STK17A: variants seen among roughly 807,000 people sequenced by gnomAD.
STK17A encodes the protein serine/threonine-protein kinase 17A.
Under a neutral mutation model 43.7 loss-of-function variants are expected in STK17A, and 26 were observed. The observed-to-expected ratio is 0.60, with a 90% CI of 0.44 to 0.83. The LOEUF (loss-of-function observed/expected upper bound fraction) is 0.83, where lower values mean the gene tolerates loss of function less well. Ranked by LOEUF, STK17A falls within the 40% of genes least tolerant of loss-of-function variation. The probability of loss-of-function intolerance (pLI) is 0.00; values close to 1 mark genes in which losing one functional copy is unlikely to be tolerated. For missense variants in STK17A, 476 were observed against 511.6 expected (o/e 0.93, Z 0.67); for synonymous variants, 191 against 182.5 (o/e 1.05, Z -0.38).
chr7:43,623,812 T>G lies in STK17A; in HGVS notation c.844T>G (p.Tyr282Asp), dbSNP rs1044103574. The change falls in exon 6 of 7, where the codon TAT becomes GAT. Residue 282 changes from tyrosine to aspartate, a missense_variant. Tyr to Asp is a radical substitution (Grantham distance 160). Transcript: ENST00000319357. Reference protein sequence around the residue: ...FLNISQMNLSYSEEEFDVLSE... With the variant: ...FLNISQMNLSDSEEEFDVLSE... ...AAACATCTCACAGATGAATTTAAGT[T>G]ATTCTGAGGAAGAATTTGATGTTTT... 4.4e-6 allele frequency: 7 copies of G among 1,605,198 alleles called. No individual in the cohort carries two copies. The highest frequency in any genetic ancestry group is 5.9e-6 in the Non-Finnish European group (7 of 1,177,380).
At chr7:43,610,967 A>C (rs2082819007) in intron 3 of STK17A, among the ~76,000 whole-genome samples, 1 of 152,014 alleles carries the variant, frequency 6.6e-6, no homozygotes, top group Non-Finnish European at 1.5e-5. Context: ...AAATACAAAA[A>C]TTAGCTGGGT....
chr7:43,614,454 G>T (rs1475937117), intron 3 of STK17A, among the ~76,000 whole-genome samples: 2 of 152,162 alleles, frequency 1.3e-5, no homozygotes, highest in Non-Finnish European at 2.9e-5. Flanking sequence ...AAATGCTGAG[G>T]TACTTAGCTT....
At chr7:43,593,114 T>A (rs1182334181) in intron 1 of STK17A, among the ~76,000 whole-genome samples, 1 of 152,220 alleles carries the variant, frequency 6.6e-6, no homozygotes, top group Non-Finnish European at 1.5e-5. Context: ...TTCCACTCTA[T>A]GCCTGTGTAT....
At chr7:43,599,687 C>T (rs1014254262) in intron 2 of STK17A, among the ~76,000 whole-genome samples, 2 of 152,182 alleles carry the variant, frequency 1.3e-5, no homozygotes, top group Non-Finnish European at 2.9e-5. Context: ...TATTAGGAAA[C>T]TGGCTTATGT....
intron 1 of STK17A, among the ~76,000 whole-genome samples, chr7:43,587,154 G>GTTTT (rs71011929): frequency 7.1e-5 from 8 of 112,094 alleles, no homozygotes; most frequent in Non-Finnish European, 1.5e-4. Context: ...ATTGTTTTTT[G>GTTTT]TTTTTTTTTT....
intron 1 of STK17A, among the ~76,000 whole-genome samples, chr7:43,587,315 T>C (rs2082450667): frequency 6.6e-6 from 1 of 150,922 alleles, no homozygotes; most frequent in African/African-American, 2.4e-5. Context: ...CCACCATGCC[T>C]GGCTAATTTT....
chr7:43,597,651 C>T (rs940180188), intron 2 of STK17A, among the ~76,000 whole-genome samples: 1 of 152,176 alleles, frequency 6.6e-6, no homozygotes, highest in African/African-American at 2.4e-5. Context: ...TCCCAAAGTG[C>T]TGGTTTACAG....
At chr7:43,615,244 C>T (rs1389673290) in intron 3 of STK17A, among the ~76,000 whole-genome samples, 2 of 152,168 alleles carry the variant, frequency 1.3e-5, no homozygotes, top group African/African-American at 4.8e-5. Flanking sequence ...GGCACTATCT[C>T]GGCTCACTGC....
intron 2 of STK17A, among the ~76,000 whole-genome samples, chr7:43,603,943 C>T (rs2082572463): frequency 6.6e-6 from 1 of 152,100 alleles, no homozygotes; most frequent in South Asian, 2.1e-4. Context: ...TATGTATATG[C>T]TAATATTTCA....
chr7:43,625,036 G>C lies in STK17A; in HGVS notation c.*194G>C. ...AGTTGCCAACCAGGAGATTTAACAG[G>C]TACAGTTACCCGTTTCAATGTTATT... is the stretch of plus-strand genomic sequence containing the variant. On this transcript the variant is annotated 3_prime_UTR_variant, in exon 7 of 7. Transcript: ENST00000319357. 2.2e-6 allele frequency: 1 copy of C among 458,086 alleles called. No individual in the cohort carries two copies. Among genetic ancestry groups the C allele is most frequent in the Non-Finnish European group, 3.8e-6 (1 of 261,398 alleles). 28.4% of individuals were successfully genotyped at this position (458,086 alleles called of 1,614,324 possible).
In STK17A at chr7:43,620,502, C is replaced by T. The variant is rs188893939; in HGVS notation, c.691+779C>T. On this transcript the variant is annotated intron_variant, in intron 4 of 6. Coordinates refer to ENST00000319357, the MANE Select transcript of STK17A (RefSeq NM_004760.3). ...CCAGCCTGGCCAACATGGCAAAACC[C>T]GTCTCTACTAAAAATACAAAAATTA... Among the ~76,000 whole-genome samples, 850 of 152,054 alleles carry T rather than the reference C, an allele frequency of 5.6e-3. 9 individuals are homozygous for T. Among genetic ancestry groups the T allele is most frequent in the African/African-American group, 0.02 (823 of 41,482 alleles).
rs550051428 is a variant in STK17A, at chr7:43,608,490, G to A, written c.564+90G>A. ...AGTGATTTATTCAAACATGTTTCAC[G>A]TTTGTGTATTATTAGGTAACAAGGA... On this transcript the variant is annotated intron_variant, in intron 3 of 6. Transcript: ENST00000319357. 112 of 1,455,768 alleles carry A rather than the reference G, an allele frequency of 7.7e-5. No homozygotes were observed. In the South Asian group the frequency reaches 9.0e-4, roughly 12 times the overall value. 90.2% of individuals were successfully genotyped at this position (1,455,768 alleles called of 1,614,324 possible).
At chr7:43,623,352 G>A (rs1411570498) in intron 4 of STK17A, 3 of 504,890 alleles carry the variant, frequency 5.9e-6, no homozygotes, top group Non-Finnish European at 6.9e-6. Context: ...AAATACTAGG[G>A]ACTCAACAAT....
chr7:43,585,413 TA>T lies in STK17A; in HGVS notation c.206+1968del, dbSNP rs1440400767. Among the ~76,000 whole-genome samples the T allele has an allele frequency of 1.3e-5, 2 of 151,452 alleles. 1 individual carries two copies. The highest frequency in any genetic ancestry group is 3.0e-5 in the Non-Finnish European group (2 of 67,568). On this transcript the variant is annotated intron_variant, in intron 1 of 6. Coordinates refer to ENST00000319357, the MANE Select transcript of STK17A (RefSeq NM_004760.3). ...TCAACTTTTGTTTTAAACTCCATTA[TA>T]AAATTAGCTTTCCGATCAGGTTTTT...
chr7:43,620,673 C>CA (rs34416780), intron 4 of STK17A, among the ~76,000 whole-genome samples: 70,712 of 131,096 alleles, frequency 0.54, 19,137 homozygotes, highest in Non-Finnish European at 0.64. Context: ...GACTCCGTCT[C>CA]AAAAAAAAAA....
At chr7:43,588,661 T>C (rs570838074) in intron 1 of STK17A, among the ~76,000 whole-genome samples, 3 of 151,154 alleles carry the variant, frequency 2.0e-5, no homozygotes, top group Non-Finnish European at 4.4e-5. Flanking sequence ...GCCAACATGG[T>C]GAAACCTCAT....
At chr7:43,611,382 T>C (rs113073281) in intron 3 of STK17A, among the ~76,000 whole-genome samples, 3,326 of 152,316 alleles carry the variant, frequency 0.022, 101 homozygotes, top group African/African-American at 0.074. Flanking sequence ...TTTAATACCA[T>C]GGCTAAAATG....
In STK17A at chr7:43,611,988, G is replaced by GAAA. The variant is rs536597628; in HGVS notation, c.564+3590_564+3591insAAA. On this transcript the variant is annotated intron_variant, in intron 3 of 6. Transcript: ENST00000319357. ...GATGTTACTTGAGAGCATCAAAGGTGAATATTAAGTTCTTGAATACCAACT... is the reference window on the plus strand; with the variant it reads ...GATGTTACTTGAGAGCATCAAAGGTGAAAAATATTAAGTTCTTGAATACCAACT... Among the ~76,000 whole-genome samples the GAAA allele has an allele frequency of 5.8e-4, 89 of 152,300 alleles. 2 individuals carry two copies. In the South Asian group the frequency reaches 0.018, roughly 31 times the overall value.
chr7:43,615,446 G>T (rs2083258535), intron 3 of STK17A, among the ~76,000 whole-genome samples: 1 of 152,112 alleles, frequency 6.6e-6, no homozygotes, highest in Non-Finnish European at 1.5e-5. Context: ...CAAATTGCTG[G>T]AATTACAGAT....
Sources: allele counts gnomAD v4.1 joint callset (sites outside exome capture counted in the v4.1 genomes callset), GRCh38; gene constraint gnomAD v4.1.1; transcripts MANE v1.5; gene names NCBI Gene and HGNC (gene_info 2026-07-23, HGNC 2026-07-21).